The following PTPRD variants were observed in gnomAD, a reference collection of about 807,000 sequenced individuals.
The protein encoded by PTPRD is protein tyrosine phosphatase receptor type D.
Under a neutral mutation model 214.5 loss-of-function variants are expected in PTPRD, and 34 were observed. The observed-to-expected ratio is 0.16, with a 90% CI of 0.12 to 0.21. PTPRD has a LOEUF of 0.21. Among genes scored for constraint, PTPRD ranks in the 10% least tolerant of loss-of-function variants. The pLI, the probability that PTPRD is intolerant of heterozygous loss-of-function variation, is 1.00. For synonymous variants in PTPRD, 1,128 were observed against 845.7 expected, an observed-to-expected ratio of 1.33 and a Z score of -5.79; for missense variants, 2,545 against 2,398.7, an observed-to-expected ratio of 1.06 and a Z score of -1.27.
At chr9:9,700,943 G>C (rs2097486936) in intron 7 of PTPRD, among the ~76,000 whole-genome samples, 1 of 151,786 alleles carries the variant, frequency 6.6e-6, no homozygotes, top group South Asian at 2.1e-4. Context: ...TAACAGCAAA[G>C]TAGAAATGTG....
chr9:9,059,406 G>C (rs1257051213), intron 10 of PTPRD, among the ~76,000 whole-genome samples: 1 of 152,212 alleles, frequency 6.6e-6, no homozygotes, highest in African/African-American at 2.4e-5. Flanking sequence ...CCTCAAGGCA[G>C]AGGCCAGTTC....
intron 35 of PTPRD, among the ~76,000 whole-genome samples, chr9:8,434,004 T>C (rs951650613): frequency 6.6e-6 from 1 of 151,076 alleles, no homozygotes; most frequent in Non-Finnish European, 1.5e-5. Context: ...TGTTTGTTTG[T>C]TTGTTTCACT....
At chr9:10,069,055 C>G (rs551959428) in intron 3 of PTPRD, among the ~76,000 whole-genome samples, 12 of 152,060 alleles carry the variant, frequency 7.9e-5, no homozygotes, top group African/African-American at 2.9e-4. Context: ...AGATCCTATT[C>G]AGCCTTTTGG....
At chr9:8,683,822 C>T (rs1456303688) in intron 12 of PTPRD, among the ~76,000 whole-genome samples, 2 of 152,330 alleles carry the variant, frequency 1.3e-5, no homozygotes, top group East Asian at 3.9e-4. Flanking sequence ...GCCTTCTTCC[C>T]TTTTCTTCCC....
At chr9:9,794,525 G>C (rs1565319565) in intron 5 of PTPRD, among the ~76,000 whole-genome samples, 1 of 151,924 alleles carries the variant, frequency 6.6e-6, no homozygotes, top group African/African-American at 2.4e-5. Flanking sequence ...AAAATAGAGA[G>C]GTAAGTGAGG....
At chr9:8,863,342 C>A (rs111615992) in intron 11 of PTPRD, among the ~76,000 whole-genome samples, 6 of 152,260 alleles carry the variant, frequency 3.9e-5, no homozygotes, top group East Asian at 1.9e-4. Context: ...ATTCCATTAA[C>A]CATTGGCACT....
intron 2 of PTPRD, among the ~76,000 whole-genome samples, chr9:10,511,272 A>G (rs1430528927): frequency 2.0e-5 from 3 of 152,178 alleles, no homozygotes; most frequent in Non-Finnish European, 2.9e-5. Context: ...TAATTCTCTC[A>G]GATAAATACC....
In PTPRD at chr9:9,221,720, G is replaced by A. The variant is rs2099956183; in HGVS notation, c.-202-38357C>T. Reference sequence around the variant, plus strand: ...CAAATACAGTTACATTGGGTGTTGGGGTTCTAGCATATACACTTTGGAGGA... The same window carrying A: ...CAAATACAGTTACATTGGGTGTTGGAGTTCTAGCATATACACTTTGGAGGA... On this transcript the variant is annotated intron_variant, in intron 9 of 45. Coordinates refer to ENST00000381196, the MANE Select transcript of PTPRD (RefSeq NM_002839.4). Among the ~76,000 whole-genome samples the A allele has an allele frequency of 2.0e-5, 3 of 152,002 alleles. 1 individual carries two copies. Among genetic ancestry groups the A allele is most frequent in the Admixed American group, 2.0e-4 (3 of 15,240 alleles).
intron 3 of PTPRD, among the ~76,000 whole-genome samples, chr9:10,178,164 G>A (rs1156322182): frequency 6.6e-6 from 1 of 151,954 alleles, no homozygotes; most frequent in East Asian, 1.9e-4. Flanking sequence ...TTTCTAAGTT[G>A]TAAAAGATAT....
intron 4 of PTPRD, among the ~76,000 whole-genome samples, chr9:10,032,182 G>A (rs1056569759): frequency 2.0e-5 from 3 of 152,072 alleles, no homozygotes; most frequent in Non-Finnish European, 4.4e-5. Context: ...AGAATTGGTG[G>A]TTCACACATG....
chr9:10,358,354 A>T (rs2097315416), intron 2 of PTPRD, among the ~76,000 whole-genome samples: 1 of 152,038 alleles, frequency 6.6e-6, no homozygotes, highest in African/African-American at 2.4e-5. Flanking sequence ...AAAGATAGCA[A>T]ATAAATAATG....
At chr9:8,723,461 G>A (rs915701493) in intron 12 of PTPRD, among the ~76,000 whole-genome samples, 16 of 152,134 alleles carry the variant, frequency 1.1e-4, no homozygotes, top group African/African-American at 3.6e-4. Context: ...CCATAGCCAT[G>A]TCTTGCTGCA....
intron 33 of PTPRD, among the ~76,000 whole-genome samples, chr9:8,454,249 A>G (rs573217101): frequency 6.6e-6 from 1 of 152,346 alleles, no homozygotes; most frequent in African/African-American, 2.4e-5. Context: ...AAAACAGTTT[A>G]TGAGACACCT....
At chr9:9,269,451 T>TC (rs937546621) in intron 9 of PTPRD, among the ~76,000 whole-genome samples, 17 of 125,362 alleles carry the variant, frequency 1.4e-4, no homozygotes, top group Admixed American at 9.7e-4. Context: ...TGGAGGTTCC[T>TC]CAAAAAAAAT....
chr9:8,521,008 T>C (rs1179642266), intron 20 of PTPRD, among the ~76,000 whole-genome samples: 1 of 152,126 alleles, frequency 6.6e-6, no homozygotes. Context: ...AAATTCCTAG[T>C]TCTGTCTGGT....
At chr9:9,413,562 A>G (rs1007044002) in intron 8 of PTPRD, among the ~76,000 whole-genome samples, 13 of 152,218 alleles carry the variant, frequency 8.5e-5, no homozygotes, top group Admixed American at 7.2e-4. Flanking sequence ...ATTATCCAAA[A>G]AAACAAAGAA....
At chr9:9,058,194 GT>G (rs947874297) in intron 10 of PTPRD, among the ~76,000 whole-genome samples, 2 of 151,966 alleles carry the variant, frequency 1.3e-5, no homozygotes, top group Non-Finnish European at 2.9e-5. Flanking sequence ...TTACGACTAG[GT>G]TTTTTAGCAA....
At chr9:9,422,673 A>T (rs1587981790) in intron 8 of PTPRD, among the ~76,000 whole-genome samples, 1 of 152,278 alleles carries the variant, frequency 6.6e-6, no homozygotes, top group East Asian at 1.9e-4. Flanking sequence ...AGCTTTCTGC[A>T]CTGTCAAATA....
At chr9:8,911,917 T>G (rs551109983) in intron 11 of PTPRD, among the ~76,000 whole-genome samples, 2 of 152,308 alleles carry the variant, frequency 1.3e-5, no homozygotes, top group Admixed American at 1.3e-4. Context: ...CTCGCTTCGT[T>G]AGTCATTAGA....
Sources: allele counts gnomAD v4.1 joint callset (sites outside exome capture counted in the v4.1 genomes callset), GRCh38; gene constraint gnomAD v4.1.1; transcripts MANE v1.5; gene names NCBI Gene and HGNC (gene_info 2026-07-23, HGNC 2026-07-21).